The following BNC2 variants were observed in gnomAD, a reference collection of about 807,000 sequenced individuals.
BNC2 encodes the protein zinc finger protein basonuclin-2.
In BNC2, 20 loss-of-function variants were observed where a neutral mutation model predicts 76.3. The observed-to-expected ratio is 0.26, with a 90% confidence interval of 0.18 to 0.38. BNC2 has a LOEUF of 0.38. Among genes scored for constraint, BNC2 ranks in the 10% least tolerant of loss-of-function variants. The probability of loss-of-function intolerance (pLI) is 1.00; values close to 1 mark genes in which losing one functional copy is unlikely to be tolerated. For missense variants in BNC2, 1,382 were observed against 1,399.8 expected (o/e 0.99, Z 0.20); for synonymous variants, 582 against 514.8 (o/e 1.13, Z -1.77).
intron 3 of BNC2, among the ~76,000 whole-genome samples, chr9:16,712,780 A>C (rs928861405): frequency 1.3e-5 from 2 of 152,254 alleles, no homozygotes; most frequent in African/African-American, 4.8e-5. Context: ...AAAGTAGCTC[A>C]GTCTAATACA....
At chr9:16,629,909 G>T (rs1055126387) in intron 3 of BNC2, among the ~76,000 whole-genome samples, 1 of 152,168 alleles carries the variant, frequency 6.6e-6, no homozygotes, top group African/African-American at 2.4e-5. Context: ...GGTGGCTGTG[G>T]TGTCTACTCA....
chr9:16,412,720 GGAGAGAGAGAGAGAGA>G lies in BNC2; in HGVS notation c.*6253_*6268del, dbSNP rs58174243. On this transcript the variant is annotated 3_prime_UTR_variant, in exon 7 of 7. Coordinates refer to ENST00000380672, the MANE Select transcript of BNC2 (RefSeq NM_017637.6). The stretch of plus-strand genomic sequence containing the variant: ...AATAAGAGGGAAGGAGAGAGAGAGG[GGAGAGAGAGAGAGAGA>G]GAGAGAGAGAGAGAGAGAGAGAGAG... The G allele has an allele frequency of 0.033, 3,982 of 119,978 alleles. 189 individuals carry two copies. Among genetic ancestry groups the G allele is most frequent in the African/African-American group, 0.097 (3,403 of 35,122 alleles). The allele number at this position is 119,978 out of a possible 1,614,324, so 7.4% of individuals were successfully genotyped here. A position where few individuals can be genotyped will look rare whatever the true frequency, so the allele number is the denominator to read the frequency against.
At chr9:16,861,672 C>T (rs1201564783) in intron 1 of BNC2, among the ~76,000 whole-genome samples, 3 of 152,108 alleles carry the variant, frequency 2.0e-5, no homozygotes, top group Non-Finnish European at 4.4e-5. Context: ...ACTTCACACC[C>T]ACTAAGATCT....
At chr9:16,646,252 C>G (rs1385124118) in intron 3 of BNC2, among the ~76,000 whole-genome samples, 2 of 152,232 alleles carry the variant, frequency 1.3e-5, no homozygotes, top group African/African-American at 4.8e-5. Flanking sequence ...ATTCCAGCAC[C>G]CTTGGGCAGG....
Position 16,419,634 on chromosome 9 carries a change from T to G in BNC2, c.2655A>C (p.Ile885=). 1 of 1,361,752 alleles carries G rather than the reference T, an allele frequency of 7.3e-7. No individual in the cohort carries two copies. Among genetic ancestry groups the G allele is most frequent in the Non-Finnish European group, 9.7e-7 (1 of 1,028,760 alleles). 84.4% of individuals were successfully genotyped at this position (1,361,752 alleles called of 1,614,324 possible). A position where few individuals can be genotyped will look rare whatever the true frequency, so the allele number is the denominator to read the frequency against. ...RRSRDRHSAN[I]NLHRKLLTKE... ...TGGTCAACAGTTTACGATGTAGGTT[T>G]ATGTTGGCACTGTGTCTAGGAAAAC... Residue 885 remains isoleucine, a synonymous_variant, in exon 7 of 7, where the codon ATA becomes ATC. Coordinates refer to ENST00000380672, the MANE Select transcript of BNC2 (RefSeq NM_017637.6).
At chr9:16,740,063 T>G (rs141935679) in intron 1 of BNC2, among the ~76,000 whole-genome samples, 144 of 152,276 alleles carry the variant, frequency 9.5e-4, no homozygotes, top group Middle Eastern at 3.4e-3. Flanking sequence ...TATCCATGGT[T>G]ATTAGGGGAA....
intron 1 of BNC2, among the ~76,000 whole-genome samples, chr9:16,754,158 C>T (rs1339092627): frequency 6.6e-6 from 1 of 152,236 alleles, no homozygotes; most frequent in African/African-American, 2.4e-5. Context: ...GAATATTTCA[C>T]ACTGCCAGTT....
At chr9:16,451,996 G>C (rs959618615) in intron 5 of BNC2, among the ~76,000 whole-genome samples, 1 of 152,200 alleles carries the variant, frequency 6.6e-6, no homozygotes, top group African/African-American at 2.4e-5. Flanking sequence ...AGGCTAAAGT[G>C]TAAGTAGCTG....
chr9:16,506,550 A>C (rs1822632334), intron 5 of BNC2, among the ~76,000 whole-genome samples: 1 of 94,016 alleles, frequency 1.1e-5, no homozygotes, highest in Non-Finnish European at 1.8e-5. Flanking sequence ...TTTTTGACGG[A>C]ATCTCACCTT....
At chr9:16,790,735 G>A (rs116504085) in intron 1 of BNC2, among the ~76,000 whole-genome samples, 2,625 of 148,116 alleles carry the variant, frequency 0.018, 85 homozygotes, top group African/African-American at 0.061. Flanking sequence ...ACTTTGATAA[G>A]TTAGTTATCT....
intron 3 of BNC2, among the ~76,000 whole-genome samples, chr9:16,629,958 T>C (rs1821113510): frequency 3.9e-5 from 6 of 152,160 alleles, no homozygotes; most frequent in Admixed American, 3.9e-4. Context: ...ACTCTTCCAT[T>C]CAGAAAAGAT....
At chr9:16,490,129 G>A (rs963543355) in intron 5 of BNC2, among the ~76,000 whole-genome samples, 1 of 152,164 alleles carries the variant, frequency 6.6e-6, no homozygotes, top group African/African-American at 2.4e-5. Context: ...AAAGCTCACT[G>A]TATTAGTCCA....
chr9:16,644,334 C>T (rs1821567627), intron 3 of BNC2, among the ~76,000 whole-genome samples: 1 of 152,078 alleles, frequency 6.6e-6, no homozygotes, highest in Non-Finnish European at 1.5e-5. Context: ...CCCTTAGGTT[C>T]CAAGCACCTT....
At chr9:16,460,048 T>C (rs1332691307) in intron 5 of BNC2, among the ~76,000 whole-genome samples, 1 of 152,192 alleles carries the variant, frequency 6.6e-6, no homozygotes, top group African/African-American at 2.4e-5. Flanking sequence ...AATACAGATT[T>C]CTGGTAAATT....
chr9:16,658,462 G>T (rs1208499508), intron 3 of BNC2, among the ~76,000 whole-genome samples: 1 of 152,160 alleles, frequency 6.6e-6, no homozygotes, highest in African/African-American at 2.4e-5. Flanking sequence ...CTGGTCAAAT[G>T]CTTGGGTAAA....
At chr9:16,421,946 C>T (rs189452009) in intron 6 of BNC2, among the ~76,000 whole-genome samples, 1 of 152,310 alleles carries the variant, frequency 6.6e-6, no homozygotes, top group Admixed American at 6.5e-5. Flanking sequence ...AACTCTGTTG[C>T]TTCTCACACA....
intron 6 of BNC2, among the ~76,000 whole-genome samples, chr9:16,426,694 C>A (rs924380671): frequency 6.6e-6 from 1 of 151,502 alleles, no homozygotes; most frequent in Non-Finnish European, 1.5e-5. Context: ...AACATGAAAA[C>A]TTCATTTAAC....
intron 5 of BNC2, among the ~76,000 whole-genome samples, chr9:16,514,818 T>C (rs1005227778): frequency 4.6e-5 from 7 of 152,234 alleles, no homozygotes; most frequent in African/African-American, 1.7e-4. Context: ...CACTTTCACA[T>C]GGAGAGAGAA....
intron 5 of BNC2, among the ~76,000 whole-genome samples, chr9:16,447,240 T>C (rs1821248651): frequency 6.6e-6 from 1 of 152,156 alleles, no homozygotes; most frequent in Non-Finnish European, 1.5e-5. Context: ...TATCTAGCCC[T>C]ATACCTTTAG....
Sources: allele counts gnomAD v4.1 joint callset (sites outside exome capture counted in the v4.1 genomes callset), GRCh38; gene constraint gnomAD v4.1.1; transcripts MANE v1.5; gene names NCBI Gene and HGNC (gene_info 2026-07-23, HGNC 2026-07-21).